PAPPA: variants seen among roughly 807,000 people sequenced by gnomAD.
PAPPA encodes the protein pappalysin 1, also known as pappalysin-1.
Under a neutral mutation model 164.0 loss-of-function variants are expected in PAPPA, and 60 were observed. The observed-to-expected ratio is 0.37, with a 90% CI of 0.30 to 0.45. The LOEUF (loss-of-function observed/expected upper bound fraction) is 0.45. PAPPA is among the 20% of genes least tolerant of loss of function. The probability of loss-of-function intolerance (pLI) is 1.00; values close to 1 mark genes in which losing one functional copy is unlikely to be tolerated. For missense variants in PAPPA, 1,782 were observed against 2,087.3 expected, an observed-to-expected ratio of 0.85 and a Z score of 2.85; for synonymous variants, 875 against 814.1, an observed-to-expected ratio of 1.07 and a Z score of -1.27.
At chr9:116,321,083 A>G (rs1845849315) in intron 10 of PAPPA, among the ~76,000 whole-genome samples, 1 of 150,958 alleles carries the variant, frequency 6.6e-6, no homozygotes, top group South Asian at 2.1e-4. Context: ...GCCGGACTGC[A>G]GTAGTGCTAT....
chr9:116,235,677 G>T (rs1269863913), intron 7 of PAPPA, 40 bp downstream of exon 7: 3 of 1,606,334 alleles, frequency 1.9e-6, no homozygotes, highest in Non-Finnish European at 2.6e-6. Context: ...TTAAGTGGGT[G>T]GGTTGTGGAG....
chr9:116,374,215 CTGA>C (rs56072627), intron 19 of PAPPA, among the ~76,000 whole-genome samples: 114,764 of 150,668 alleles, frequency 0.76, 45,767 homozygotes, highest in Middle Eastern at 0.89. Flanking sequence ...GCCAATGGTG[CTGA>C]TGATGATGAC....
At chr9:116,305,469 TCTCA>T (rs1311013821) in intron 10 of PAPPA, among the ~76,000 whole-genome samples, 5 of 61,928 alleles carry the variant, frequency 8.1e-5, no homozygotes, top group East Asian at 6.0e-4. Context: ...TCTCTCTCTC[TCTCA>T]CACACACACA....
chr9:116,378,532 C>T (rs1307161668), intron 20 of PAPPA, among the ~76,000 whole-genome samples: 1 of 152,184 alleles, frequency 6.6e-6, no homozygotes, highest in East Asian at 1.9e-4. Context: ...TCTGATGAAA[C>T]TCTTAGAATG....
At position 116,376,382 on chromosome 9, in the gene PAPPA, A is replaced by G. The variant is rs145146416; in HGVS notation, c.4606-1194A>G. ...CTATGTTATCTTTCTAGTCTTATTTAGCTTTCTTATTTCACCCACTTTTTA... is the reference window on the plus strand; with the variant it reads ...CTATGTTATCTTTCTAGTCTTATTTGGCTTTCTTATTTCACCCACTTTTTA... On this transcript the variant is annotated intron_variant, in intron 19 of 21. Transcript: ENST00000328252. Among the ~76,000 whole-genome samples, 42 of 152,256 alleles carry G rather than the reference A, an allele frequency of 2.8e-4. 1 individual carries two copies. In the East Asian group the frequency reaches 8.1e-3, roughly 29 times the overall value.
intron 9 of PAPPA, among the ~76,000 whole-genome samples, chr9:116,290,920 A>G (rs898030002): frequency 3.3e-5 from 5 of 151,704 alleles, no homozygotes; most frequent in Non-Finnish European, 2.9e-5. Context: ...GGTCCTAGGT[A>G]TTGCTCTTCC....
At chr9:116,374,507 G>A (rs925535701) in intron 19 of PAPPA, among the ~76,000 whole-genome samples, 7 of 152,236 alleles carry the variant, frequency 4.6e-5, no homozygotes, top group Middle Eastern at 3.4e-3. Flanking sequence ...GAGACAGGTG[G>A]GGCGTGCAGC....
rs1156726175 is a variant in PAPPA, at chr9:116,243,838, C to A, written c.2732+8201C>A. The stretch of plus-strand genomic sequence containing the variant: ...CTGTTGCTGAAATGCATGATTCAGG[C>A]TGGACCCCTTCCTGAGCAGGGCCTT... On this transcript the variant is annotated intron_variant, in intron 7 of 21. Coordinates refer to ENST00000328252, the MANE Select transcript of PAPPA (RefSeq NM_002581.5). Among the ~76,000 whole-genome samples, 4 of 152,112 alleles carry A rather than the reference C, an allele frequency of 2.6e-5. No individual in the cohort carries two copies. In the East Asian group the frequency reaches 7.7e-4, roughly 29 times the overall value.
chr9:116,179,294 A>G (rs1272575986), intron 1 of PAPPA, among the ~76,000 whole-genome samples: 3 of 152,186 alleles, frequency 2.0e-5, no homozygotes, highest in African/African-American at 7.2e-5. Flanking sequence ...AGGCAGGAGA[A>G]CAGACACAGG....
chr9:116,344,002 G>A (rs953176719), intron 13 of PAPPA, among the ~76,000 whole-genome samples: 39 of 151,984 alleles, frequency 2.6e-4, no homozygotes, highest in African/African-American at 8.5e-4. Context: ...TCCTGACCTC[G>A]TGATCTGCCC....
chr9:116,276,291 C>T (rs1845197570), intron 9 of PAPPA, among the ~76,000 whole-genome samples: 1 of 152,194 alleles, frequency 6.6e-6, no homozygotes, highest in Non-Finnish European at 1.5e-5. Flanking sequence ...AGGGGTTATA[C>T]TGTGTAATAT....
chr9:116,218,842 C>T (rs1844407644), intron 4 of PAPPA, among the ~76,000 whole-genome samples: 1 of 152,164 alleles, frequency 6.6e-6, no homozygotes, highest in Admixed American at 6.5e-5. Flanking sequence ...ATTATTTACC[C>T]TCTGTCAGCT....
At chr9:116,156,331 T>C (rs1052052112) in intron 1 of PAPPA, among the ~76,000 whole-genome samples, 25 of 83,056 alleles carry the variant, frequency 3.0e-4, no homozygotes, top group Non-Finnish European at 6.4e-4. Context: ...TATATATATA[T>C]GTGTATATAT....
chr9:116,357,838 A>G (rs1225945046), intron 17 of PAPPA, among the ~76,000 whole-genome samples: 1 of 152,162 alleles, frequency 6.6e-6, no homozygotes, highest in Non-Finnish European at 1.5e-5. Context: ...TTTGTGGGCA[A>G]AGTGATGCAC....
chr9:116,279,150 A>T (rs944997341), intron 9 of PAPPA, among the ~76,000 whole-genome samples: 3 of 152,144 alleles, frequency 2.0e-5, no homozygotes, highest in African/African-American at 7.2e-5. Context: ...GATTTTTAGG[A>T]TTTAAATCCC....
chr9:116,242,733 A>G (rs1844750687), intron 7 of PAPPA, among the ~76,000 whole-genome samples: 1 of 152,220 alleles, frequency 6.6e-6, no homozygotes, highest in South Asian at 2.1e-4. Flanking sequence ...TTTCATTTTA[A>G]TGGACACAAC....
At chr9:116,319,619 T>A (rs1845829294) in intron 10 of PAPPA, among the ~76,000 whole-genome samples, 1 of 152,216 alleles carries the variant, frequency 6.6e-6, no homozygotes, top group Non-Finnish European at 1.5e-5. Flanking sequence ...TTTATCATCC[T>A]CACCGTTATT....
chr9:116,241,209 G>T (rs79079804), intron 7 of PAPPA, among the ~76,000 whole-genome samples: 2 of 152,164 alleles, frequency 1.3e-5, no homozygotes, highest in African/African-American at 4.8e-5. Context: ...GCAAGTATTT[G>T]TTGACTTCCA....
chr9:116,333,208 G>A (rs566817358), intron 12 of PAPPA, among the ~76,000 whole-genome samples: 4 of 152,290 alleles, frequency 2.6e-5, no homozygotes, highest in Admixed American at 1.3e-4. Context: ...ACCTTGAGAA[G>A]GTGAGCAATC....
Sources: gnomAD v4.1 joint callset for allele counts (sites outside exome capture counted in the v4.1 genomes callset) on GRCh38, gnomAD v4.1.1 for gene constraint, MANE v1.5 for transcripts, NCBI Gene and HGNC (gene_info 2026-07-23, HGNC 2026-07-21) for gene names.